RORA: variants seen among roughly 807,000 people sequenced by gnomAD.
RORA encodes the protein nuclear receptor ROR-alpha.
In RORA, 7 loss-of-function variants were observed where a neutral mutation model predicts 69.5. The ratio of observed to expected loss-of-function variants is 0.10; its 90% confidence interval spans 0.06 to 0.19. RORA has a LOEUF of 0.19. Among genes scored for constraint, RORA ranks in the 10% least tolerant of loss-of-function variants. The pLI is 1.00. For synonymous variants in RORA, 261 were observed against 240.8 expected, an observed-to-expected ratio of 1.08 and a Z score of -0.78; for missense variants, 457 against 663.0, an observed-to-expected ratio of 0.69 and a Z score of 3.41.
intron 1 of RORA, among the ~76,000 whole-genome samples, chr15:61,137,111 G>C (rs1485670541): frequency 6.7e-6 from 1 of 149,730 alleles, no homozygotes; most frequent in Non-Finnish European, 1.5e-5. Context: ...AAAAAGCAAG[G>C]GTGTCCAGGG....
intron 1 of RORA, among the ~76,000 whole-genome samples, chr15:61,081,523 T>C (rs968744494): frequency 6.6e-6 from 1 of 152,112 alleles, no homozygotes; most frequent in African/African-American, 2.4e-5. Context: ...GAAAACTAAG[T>C]GGGGCCAGGC....
At chr15:61,140,782 G>C (rs190414594) in intron 1 of RORA, among the ~76,000 whole-genome samples, 1 of 152,086 alleles carries the variant, frequency 6.6e-6, no homozygotes, top group South Asian at 2.1e-4. Flanking sequence ...GGGCAGTGGC[G>C]GGGGGTCAGG....
chr15:60,498,097 T>C (rs2065218397), intron 10 of RORA, among the ~76,000 whole-genome samples: 1 of 152,108 alleles, frequency 6.6e-6, no homozygotes, highest in African/African-American at 2.4e-5. Context: ...TATAGTCATG[T>C]CATAGAATGC....
chr15:61,054,316 G>GAA (rs71429587), intron 1 of RORA, among the ~76,000 whole-genome samples: 174 of 144,728 alleles, frequency 1.2e-3, no homozygotes, highest in Middle Eastern at 3.5e-3. Context: ...TTCATTTTCT[G>GAA]AAAAAAAAAA....
chr15:60,938,092 T>C (rs961926327), intron 1 of RORA, among the ~76,000 whole-genome samples: 6 of 152,170 alleles, frequency 3.9e-5, no homozygotes, highest in African/African-American at 1.4e-4. Flanking sequence ...CCAGCTTGTG[T>C]ACACAAGCTA....
intron 2 of RORA, among the ~76,000 whole-genome samples, chr15:60,581,757 T>C (rs1413868184): frequency 3.3e-5 from 5 of 152,248 alleles, no homozygotes; most frequent in Non-Finnish European, 7.3e-5. Context: ...AACTGCTGTC[T>C]TTTTGAATAA....
chr15:60,883,107 G>A (rs117496088), intron 1 of RORA, among the ~76,000 whole-genome samples: 1,632 of 128,688 alleles, frequency 0.013, 22 homozygotes, highest in Non-Finnish European at 0.019. Context: ...TTCCCGCCTG[G>A]GCGACAGAGA....
At chr15:60,533,018 C>A (rs2141457977) in intron 2 of RORA, among the ~76,000 whole-genome samples, 1 of 152,326 alleles carries the variant, frequency 6.6e-6, no homozygotes, top group Admixed American at 6.5e-5. Flanking sequence ...ACAGCCCACT[C>A]TTTCTTCTAA....
intron 2 of RORA, among the ~76,000 whole-genome samples, chr15:60,558,980 AAG>A (rs2067453548): frequency 1.3e-5 from 2 of 152,212 alleles, no homozygotes; most frequent in African/African-American, 4.8e-5. Context: ...AATAGTTGAG[AAG>A]AGTTAAATAT....
At chr15:60,860,021 C>A (rs952116864) in intron 1 of RORA, among the ~76,000 whole-genome samples, 3 of 152,184 alleles carry the variant, frequency 2.0e-5, no homozygotes, top group East Asian at 1.9e-4. Context: ...GGGAACAGAA[C>A]TGGACGTGCC....
At chr15:61,118,935 G>A (rs2140808152) in intron 1 of RORA, among the ~76,000 whole-genome samples, 1 of 152,108 alleles carries the variant, frequency 6.6e-6, no homozygotes, top group South Asian at 2.1e-4. Flanking sequence ...ACCATGTACT[G>A]GGCGACCTAT....
At chr15:60,515,931 A>ATATATT (rs370062394) in intron 3 of RORA, among the ~76,000 whole-genome samples, 282 of 18,460 alleles carry the variant, frequency 0.015, 30 homozygotes, top group African/African-American at 0.068. Context: ...ATATATTTAT[A>ATATATT]TATATATTTA....
intron 2 of RORA, chr15:60,593,609 A>G (rs1437070049): frequency 6.6e-6 from 1 of 152,214 alleles, no homozygotes; most frequent in East Asian, 1.9e-4. Context: ...CTACATACCC[A>G]GAGTCTGCAT....
intron 1 of RORA, among the ~76,000 whole-genome samples, chr15:60,931,569 C>T (rs1200933987): frequency 6.6e-6 from 1 of 152,256 alleles, no homozygotes; most frequent in Admixed American, 6.5e-5. Flanking sequence ...AAAACAGGCA[C>T]TGGTATCAAG....
intron 1 of RORA, among the ~76,000 whole-genome samples, chr15:61,007,494 T>G (rs1230372173): frequency 6.6e-6 from 1 of 152,110 alleles, no homozygotes; most frequent in Non-Finnish European, 1.5e-5. Flanking sequence ...TAATTGTTTA[T>G]TGAAATGTTC....
intron 1 of RORA, among the ~76,000 whole-genome samples, chr15:60,755,504 A>C (rs537369739): frequency 7.2e-5 from 11 of 152,210 alleles, no homozygotes; most frequent in African/African-American, 2.6e-4. Context: ...ATACCCAGTA[A>C]TGGGATGGCT....
At chr15:60,751,769 C>G (rs917098131) in intron 1 of RORA, among the ~76,000 whole-genome samples, 9 of 152,164 alleles carry the variant, frequency 5.9e-5, no homozygotes, top group Admixed American at 1.3e-4. Flanking sequence ...AACTGAGGCT[C>G]AGAAACAGTA....
rs143648139 is a variant in RORA, at chr15:60,857,159, A to G, written c.167-178473T>C. Among the ~76,000 whole-genome samples the G allele has an allele frequency of 4.1e-3, 625 of 152,122 alleles. 4 individuals carry two copies. Among genetic ancestry groups the G allele is most frequent in the African/African-American group, 0.014 (597 of 41,502 alleles). On this transcript the variant is annotated intron_variant, in intron 1 of 10. Coordinates refer to ENST00000335670, the MANE Select transcript of RORA (RefSeq NM_134261.3). ...GCCAGCCAGAAAAATAATGAGAGACATTTTCATTATGGTGGGACAAGGGCT... is the reference window on the plus strand; with the variant it reads ...GCCAGCCAGAAAAATAATGAGAGACGTTTTCATTATGGTGGGACAAGGGCT...
At position 60,592,931 on chromosome 15, in the gene RORA, G is replaced by C. The variant is rs75937241; in HGVS notation, c.197-61080C>G. 1.4e-4 allele frequency: 63 copies of C among 455,636 alleles called. 1 individual carries two copies. The highest frequency in any genetic ancestry group is 4.3e-4 in the South Asian group (28 of 64,424). The allele number at this position is 455,636 out of a possible 1,614,324, so 28.2% of individuals were successfully genotyped here. A position where few individuals can be genotyped will look rare whatever the true frequency, so the allele number is the denominator to read the frequency against. ...ACGCCACTCTCCCGCTGGCTTGCCG[G>C]AGCACTCGGGGGCGATAAATGCGCC... On this transcript the variant is annotated intron_variant, in intron 2 of 10. Coordinates refer to ENST00000335670, the MANE Select transcript of RORA (RefSeq NM_134261.3).
Sources: allele counts gnomAD v4.1 joint callset (sites outside exome capture counted in the v4.1 genomes callset), GRCh38; gene constraint gnomAD v4.1.1; transcripts MANE v1.5; gene names NCBI Gene and HGNC (gene_info 2026-07-23, HGNC 2026-07-21).